The following PPM1E variants were observed in gnomAD, a reference collection of about 807,000 sequenced individuals.
The protein encoded by PPM1E is protein phosphatase, Mg2+/Mn2+ dependent 1E.
PPM1E carries 20 observed loss-of-function variants against 65.9 expected under a neutral mutation model. That is an observed-to-expected ratio of 0.30 (90% CI 0.21 to 0.44). The LOEUF (loss-of-function observed/expected upper bound fraction) is 0.44, where lower values mean the gene tolerates loss of function less well. Ranked by LOEUF, PPM1E falls within the 20% of genes least tolerant of loss-of-function variation. The pLI is 1.00. For missense variants in PPM1E, 713 were observed against 953.1 expected, an observed-to-expected ratio of 0.75 and a Z score of 3.32; for synonymous variants, 352 against 374.9, an observed-to-expected ratio of 0.94 and a Z score of 0.70.
intron 1 of PPM1E, among the ~76,000 whole-genome samples, chr17:58,906,783 A>T (rs1048583477): frequency 7.9e-5 from 12 of 151,458 alleles, no homozygotes; most frequent in African/African-American, 1.9e-4. Context: ...TTTATTTTAA[A>T]TTTTTTTTCT....
At chr17:58,909,887 T>TTTTCTTTCTTTC (rs753479819) in intron 1 of PPM1E, among the ~76,000 whole-genome samples, 1 of 150,418 alleles carries the variant, frequency 6.6e-6, no homozygotes, top group African/African-American at 2.5e-5. Flanking sequence ...TCTTAGTCAT[T>TTTTCTTTCTTTC]TTTCTTTCTT....
chr17:58,896,690 G>C (rs2051422173), intron 1 of PPM1E, among the ~76,000 whole-genome samples: 2 of 152,240 alleles, frequency 1.3e-5, no homozygotes, highest in African/African-American at 4.8e-5. Context: ...AAAGTGCACA[G>C]TGAAGCAGCA....
At chr17:58,815,481 TGAAAA>T (rs1213728877) in intron 1 of PPM1E, among the ~76,000 whole-genome samples, 4 of 152,194 alleles carry the variant, frequency 2.6e-5, no homozygotes, top group Non-Finnish European at 5.9e-5. Context: ...AGCTAATAAT[TGAAAA>T]GAAAGAGTAT....
At chr17:58,793,943 A>G (rs1289876376) in intron 1 of PPM1E, among the ~76,000 whole-genome samples, 3 of 152,026 alleles carry the variant, frequency 2.0e-5, no homozygotes, top group Non-Finnish European at 4.4e-5. Context: ...TCCTGGGTTC[A>G]AACGATTTTC....
At chr17:58,773,502 C>T (rs1431924567) in intron 1 of PPM1E, among the ~76,000 whole-genome samples, 1 of 152,026 alleles carries the variant, frequency 6.6e-6, no homozygotes. Context: ...AGTATCATTC[C>T]CTCCCATGAA....
intron 1 of PPM1E, among the ~76,000 whole-genome samples, chr17:58,852,048 C>T (rs536144252): frequency 2.0e-5 from 3 of 152,300 alleles, no homozygotes; most frequent in East Asian, 1.9e-4. Context: ...CAGCAGTGAA[C>T]GAGACTCTGT....
rs2143824909 is a variant in PPM1E at position 58,980,625 on chromosome 17, G to T, written c.1862G>T (p.Ser621Ile). The change falls in exon 7 of 7, where the codon AGT (serine) becomes ATT (isoleucine). Residue 621 changes from serine (S) to isoleucine (I), a missense_variant. By Grantham distance (142) the Ser-to-Ile change is moderately radical. Around this residue, in one of 6 missense-constraint regions of PPM1E, gnomAD observed 286 missense variants for 313.8 expected, o/e 0.91. Transcript: ENST00000308249. The surrounding 1 kb of genome is among the most constrained non-coding windows in gnomAD (Gnocchi z 4.7). ...KSVQSSLPEW[S>I]GAGEFPTAFN... ...GTTCAGTCATCATTGCCTGAATGGA[G>T]TGGTGCTGGAGAGTTTCCCACTGCT... The T allele has an allele frequency of 6.2e-7, 1 of 1,614,196 alleles. No individual in the cohort carries two copies. Among genetic ancestry groups the T allele is most frequent in the African/African-American group, 1.3e-5 (1 of 75,046 alleles).
chr17:58,851,132 A>G (rs2050822079), intron 1 of PPM1E, among the ~76,000 whole-genome samples: 1 of 152,112 alleles, frequency 6.6e-6, no homozygotes, highest in South Asian at 2.1e-4. Flanking sequence ...CCATCAGGTC[A>G]TTTAAGGGCT....
intron 1 of PPM1E, among the ~76,000 whole-genome samples, chr17:58,791,608 T>C (rs2050158593): frequency 6.6e-6 from 1 of 152,180 alleles, no homozygotes; most frequent in South Asian, 2.1e-4. Context: ...TACCACATCC[T>C]ACCCAAGCAC....
In PPM1E at chr17:58,755,913, G is replaced by GGA. The variant is rs2144112628; in HGVS notation, c.-83_-82dup. The GGA allele has an allele frequency of 6.4e-7, 1 of 1,569,616 alleles. No individual in the cohort carries two copies. The highest frequency in any genetic ancestry group is 8.6e-7 in the Non-Finnish European group (1 of 1,158,372). On this transcript the variant is annotated 5_prime_UTR_variant, in exon 1 of 7. Transcript: ENST00000308249. ...GGTGCGGCCGTTAACCGCCCTTGCC[G>GGA]GAGCCCTAGGCTCAAAAGCAGCCCC...
intron 5 of PPM1E, among the ~76,000 whole-genome samples, 180 bp downstream of exon 5, chr17:58,972,455 A>G (rs551577656): frequency 6.6e-6 from 1 of 151,782 alleles, no homozygotes; most frequent in Admixed American, 6.6e-5. Flanking sequence ...GGTTCAAGCG[A>G]TTCTCCTGCC....
chr17:58,768,306 C>G (rs2144163146), intron 1 of PPM1E, among the ~76,000 whole-genome samples: 1 of 152,078 alleles, frequency 6.6e-6, no homozygotes, highest in South Asian at 2.1e-4. Flanking sequence ...TCTCAAATTC[C>G]TAGGCTCAAG....
chr17:58,877,605 A>G (rs904399460), intron 1 of PPM1E, among the ~76,000 whole-genome samples: 3 of 152,204 alleles, frequency 2.0e-5, no homozygotes, highest in African/African-American at 4.8e-5. Flanking sequence ...CCACAGAAGT[A>G]TTTTTAATCC....
At chr17:58,852,214 C>T (rs563811894) in intron 1 of PPM1E, among the ~76,000 whole-genome samples, 3 of 152,262 alleles carry the variant, frequency 2.0e-5, no homozygotes, top group Non-Finnish European at 4.4e-5. Context: ...AATTCCTCGA[C>T]CCCTTGCGCT....
intron 1 of PPM1E, among the ~76,000 whole-genome samples, chr17:58,761,127 A>G (rs1049436893): frequency 2.0e-5 from 3 of 152,192 alleles, no homozygotes; most frequent in African/African-American, 7.2e-5. Context: ...GCTGGATTCA[A>G]ACTCCTGGCT....
chr17:58,835,841 C>A (rs2050650459), intron 1 of PPM1E: 1 of 152,192 alleles, frequency 6.6e-6, no homozygotes, highest in Admixed American at 6.6e-5. Context: ...TGCACTCCAG[C>A]CTGGGTGACA....
intron 1 of PPM1E, among the ~76,000 whole-genome samples, chr17:58,821,361 C>T (rs929820877): frequency 1.3e-5 from 2 of 152,208 alleles, no homozygotes; most frequent in African/African-American, 4.8e-5. Flanking sequence ...CCGCCCGTCT[C>T]GGCCTCCCAA....
At chr17:58,756,538 C>T (rs2049766806) in intron 1 of PPM1E, 77 bp downstream of exon 1, 1 of 1,244,400 alleles carries the variant, frequency 8.0e-7, no homozygotes, top group Non-Finnish European at 1.0e-6. Flanking sequence ...CCCTCGGCCC[C>T]TCAAACTGCT....
chr17:58,926,982 A>T (rs2051830319), intron 1 of PPM1E, among the ~76,000 whole-genome samples: 2 of 152,106 alleles, frequency 1.3e-5, no homozygotes, highest in South Asian at 4.1e-4. Context: ...CATTGAATTC[A>T]GACTTTGTGT....
Sources: allele counts gnomAD v4.1 joint callset (sites outside exome capture counted in the v4.1 genomes callset), GRCh38; gene constraint gnomAD v4.1.1; regional missense constraint gnomAD v4.1.1; non-coding constraint Gnocchi (gnomAD v3.1); transcripts MANE v1.5; gene names NCBI Gene and HGNC (gene_info 2026-07-23, HGNC 2026-07-21).